IBTK: variants seen among roughly 807,000 people sequenced by gnomAD.
The protein encoded by IBTK is BTK-binding protein.
A neutral mutation model predicts 154.9 loss-of-function variants in IBTK; 83 were observed. The observed-to-expected ratio is 0.54, with a 90% confidence interval of 0.45 to 0.64. IBTK has a LOEUF of 0.64. Among genes scored for constraint, IBTK ranks in the 30% least tolerant of loss-of-function variants. The probability of loss-of-function intolerance (pLI) is 0.00; values close to 1 mark genes in which losing one functional copy is unlikely to be tolerated. For missense variants in IBTK, 1,332 were observed against 1,584.6 expected (o/e 0.84, Z 2.71); for synonymous variants, 515 against 536.1 (o/e 0.96, Z 0.54).
chr6:82,219,085 T>A (rs1562096602), intron 9 of IBTK, among the ~76,000 whole-genome samples: 2 of 152,052 alleles, frequency 1.3e-5, no homozygotes, highest in Admixed American at 1.3e-4. Flanking sequence ...TTTGTTTCCT[T>A]CCACTAGTAC....
intron 3 of IBTK, among the ~76,000 whole-genome samples, chr6:82,232,916 A>C (rs998880432): frequency 2.6e-5 from 4 of 152,068 alleles, no homozygotes; most frequent in Admixed American, 1.3e-4. Context: ...ACTTTGGGAG[A>C]CCGAGGCAGA....
At chr6:82,245,936 G>A (rs1771126530) in intron 1 of IBTK, among the ~76,000 whole-genome samples, 1 of 150,822 alleles carries the variant, frequency 6.6e-6, no homozygotes, top group South Asian at 2.1e-4. Flanking sequence ...TTAAACAACG[G>A]AAAAAACACA....
In IBTK at chr6:82,174,480, G is replaced by A. The variant is rs80222060; in HGVS notation, c.3726-1042C>T. 3.4e-3 allele frequency among the ~76,000 whole-genome samples: 524 copies of A among 152,188 alleles called. 5 individuals are homozygous for A. Among genetic ancestry groups the A allele is most frequent in the African/African-American group, 0.012 (496 of 41,548 alleles). On this transcript the variant is annotated intron_variant, in intron 26 of 28. Coordinates refer to ENST00000306270, the MANE Select transcript of IBTK (RefSeq NM_015525.4). ...AGACGTACAATTAGAAAGAATTTTG[G>A]TTGTACAAATACATGGACCTAAAAA...
chr6:82,192,154 A>G (rs1269741369), intron 23 of IBTK, among the ~76,000 whole-genome samples: 1 of 152,150 alleles, frequency 6.6e-6, no homozygotes, highest in Non-Finnish European at 1.5e-5. Flanking sequence ...ATGTTGTGAT[A>G]TAACTGAAAT....
At position 82,214,410 on chromosome 6, in the gene IBTK, T is replaced by A. The variant is rs1281998526; in HGVS notation, c.2021A>T (p.His674Leu). 9.3e-6 allele frequency: 15 copies of A among 1,613,908 alleles called. No individual in the cohort carries two copies. Among genetic ancestry groups the A allele is most frequent in the Non-Finnish European group, 1.1e-5 (13 of 1,179,942 alleles). Residue 674 changes from histidine to leucine, a missense_variant, in exon 12 of 29, where the codon CAT becomes CTT. His to Leu is a moderately conservative substitution (Grantham distance 99). This residue lies in a region of IBTK where 1,134 missense variants were observed against 1,274.7 expected (regional missense o/e 0.89). Coordinates refer to ENST00000306270, the MANE Select transcript of IBTK (RefSeq NM_015525.4). ...LNSHLNKVNF[H>L]EDDNQKSAFE... The stretch of plus-strand genomic sequence containing the variant: ...TGCAGACTTCTGGTTATCATCTTCA[T>A]GGAAATTCACTTTATTCAAATGAGA...
chr6:82,189,980 C>T (rs9359515), intron 25 of IBTK, among the ~76,000 whole-genome samples: 36,629 of 152,010 alleles, frequency 0.24, 4,463 homozygotes, highest in African/African-American at 0.28. Flanking sequence ...TGTTCATTGC[C>T]TTATCATCAG....
intron 4 of IBTK, among the ~76,000 whole-genome samples, chr6:82,230,179 T>A (rs1033354858): frequency 8.5e-5 from 13 of 152,190 alleles, no homozygotes; most frequent in African/African-American, 3.1e-4. Context: ...TTGTTATGTA[T>A]GTCATATATA....
intron 9 of IBTK, among the ~76,000 whole-genome samples, chr6:82,219,842 T>A (rs909664290): frequency 1.3e-5 from 2 of 152,142 alleles, no homozygotes; most frequent in African/African-American, 4.8e-5. Context: ...CATACATTTG[T>A]ATAAAACTAA....
chr6:82,192,868 G>T (rs1768824013), intron 23 of IBTK, among the ~76,000 whole-genome samples: 1 of 152,054 alleles, frequency 6.6e-6, no homozygotes, highest in Non-Finnish European at 1.5e-5. Context: ...GGGAGGCCGA[G>T]GTGGGCGGAT....
chr6:82,247,002 G>T (rs1771174103), intron 1 of IBTK, among the ~76,000 whole-genome samples: 1 of 152,114 alleles, frequency 6.6e-6, no homozygotes, highest in African/African-American at 2.4e-5. Context: ...AAAACTCTTT[G>T]AGCCAGACAG....
chr6:82,244,045 G>T (rs1771053545), intron 1 of IBTK, among the ~76,000 whole-genome samples: 1 of 152,104 alleles, frequency 6.6e-6, no homozygotes, highest in Non-Finnish European at 1.5e-5. Context: ...AGCAATGTCA[G>T]CTGTTATCAG....
chr6:82,234,185 G>T lies in IBTK; in HGVS notation c.392C>A (p.Pro131Gln). ...SALDLVMKDR[P>Q]THVVFKNTDP... ...AGTATTCTTGAATACTACATGAGTT[G>T]GTCTATCCTTCATTACAAGATCCAA... Residue 131 changes from proline to glutamine, a missense_variant, in exon 3 of 29, where the codon CCA (proline) becomes CAA (glutamine). Pro to Gln is a moderately conservative substitution (Grantham distance 76). Coordinates refer to ENST00000306270, the MANE Select transcript of IBTK (RefSeq NM_015525.4). 1.3e-6 allele frequency: 2 copies of T among 1,596,430 alleles called. No homozygotes were observed. The highest frequency in any genetic ancestry group is 1.7e-6 in the Non-Finnish European group (2 of 1,166,478).
chr6:82,214,594 C>A lies in IBTK; in HGVS notation c.1837G>T (p.Ala613Ser), dbSNP rs61745123. The A allele has an allele frequency of 9.1e-4, 1,471 of 1,614,020 alleles. 15 individuals carry two copies. The African/African-American group carries it at 0.015, about 16-fold the overall frequency. ...TCTACCACAAAGAGATGGCACCCTG[C>A]AGAATCTTCATCTTTCTGGTAAATA... ...TDIYQKDEDS[A>S]GCHLFVVEKV... The change falls in exon 12 of 29, where the codon GCA becomes TCA. Residue 613 changes from alanine (A) to serine (S), a missense_variant. Physicochemically the swap from Ala to Ser is moderately conservative, Grantham distance 99. Coordinates refer to ENST00000306270, the MANE Select transcript of IBTK (RefSeq NM_015525.4).
At chr6:82,202,684 G>C in intron 17 of IBTK, 39 bp from the exon 18 acceptor site, 1 of 1,034,078 alleles carries the variant, frequency 9.7e-7, no homozygotes, top group East Asian at 2.5e-5. Context: ...TAGATAAAAG[G>C]CACATTACCA....
At chr6:82,217,376 T>C (rs910855515) in intron 10 of IBTK, among the ~76,000 whole-genome samples, 1 of 152,156 alleles carries the variant, frequency 6.6e-6, no homozygotes, top group African/African-American at 2.4e-5. Flanking sequence ...AAACTTATTA[T>C]GTGGATATTA....
rs1770627944 is a variant in IBTK, at chr6:82,234,176, A to G, written c.401T>C (p.Val134Ala). Reference sequence around the variant, plus strand: ...TTTCTTACCAGTATTCTTGAATACTACATGAGTTGGTCTATCCTTCATTAC... The same window carrying G: ...TTTCTTACCAGTATTCTTGAATACTGCATGAGTTGGTCTATCCTTCATTAC... ...DLVMKDRPTH[V>A]VFKNTDPTDV... Residue 134 changes from valine to alanine, a missense_variant, in exon 3 of 29, where the codon GTA (valine) becomes GCA (alanine). Coordinates refer to ENST00000306270, the MANE Select transcript of IBTK (RefSeq NM_015525.4). The G allele has an allele frequency of 1.3e-6, 2 of 1,592,010 alleles. No individual in the cohort carries two copies. The highest frequency in any genetic ancestry group is 1.1e-5 in the South Asian group (1 of 90,114).
At chr6:82,247,470 C>G in intron 1 of IBTK, 92 bp downstream of exon 1, 1 of 397,810 alleles carries the variant, frequency 2.5e-6, no homozygotes, top group East Asian at 3.6e-5. Flanking sequence ...CCGCAGCCAC[C>G]CGCACCCTCC....
At position 82,193,977 on chromosome 6, in the gene IBTK, CA is replaced by C. The variant is rs779760068; in HGVS notation, c.3338+501del. 6.6e-5 allele frequency among the ~76,000 whole-genome samples: 10 copies of C among 152,060 alleles called. No homozygotes were observed. The East Asian group carries it at 7.7e-4, about 12-fold the overall frequency. On this transcript the variant is annotated intron_variant, in intron 23 of 28. Coordinates refer to ENST00000306270, the MANE Select transcript of IBTK (RefSeq NM_015525.4). ...GATTACAGGCATGAGCCACCATGCC[CA>C]GCCTTCATTTGACTTTTCTAAATAA...
rs761955696 is a variant in IBTK at position 82,210,775 on chromosome 6, T to C, written c.2509+39A>G. ...CGTTGATTTTACCATTATTCCATTA[T>C]ATGTGAAGTATCTACAATGTCCTAA... On this transcript the variant is annotated intron_variant, in intron 16 of 28. Transcript: ENST00000306270. 9 of 824,370 alleles carry C rather than the reference T, an allele frequency of 1.1e-5. No homozygotes were observed. In the African/African-American group the frequency reaches 1.6e-4, roughly 15 times the overall value. 51.1% of individuals were successfully genotyped at this position (824,370 alleles called of 1,614,324 possible).
Sources: gnomAD v4.1 joint callset for allele counts (sites outside exome capture counted in the v4.1 genomes callset) on GRCh38, gnomAD v4.1.1 for gene constraint, gnomAD v4.1.1 regional missense constraint, MANE v1.5 for transcripts, NCBI Gene and HGNC (gene_info 2026-07-23, HGNC 2026-07-21) for gene names.